CACNA1C: variants seen among roughly 807,000 people sequenced by gnomAD.
CACNA1C encodes the protein voltage-dependent L-type calcium channel subunit alpha-1C.
Under a neutral mutation model 229.0 loss-of-function variants are expected in CACNA1C, and 30 were observed. The ratio of observed to expected loss-of-function variants is 0.13; its 90% CI spans 0.10 to 0.18. The LOEUF (loss-of-function observed/expected upper bound fraction) is 0.18. Ranked by LOEUF, CACNA1C falls within the 10% of genes least tolerant of loss-of-function variation. The probability of loss-of-function intolerance (pLI) is 1.00; values close to 1 mark genes in which losing one functional copy is unlikely to be tolerated. For missense variants in CACNA1C, 1,658 were observed against 2,845.0 expected, an observed-to-expected ratio of 0.58 and a Z score of 9.49; for synonymous variants, 1,114 against 1,132.5, an observed-to-expected ratio of 0.98 and a Z score of 0.33.
At chr12:2,247,647 C>T (rs561701402) in intron 3 of CACNA1C, among the ~76,000 whole-genome samples, 8 of 152,288 alleles carry the variant, frequency 5.3e-5, no homozygotes, top group South Asian at 4.1e-4. Context: ...TCCCTATGGA[C>T]GATGGCAAGA....
intron 3 of CACNA1C, among the ~76,000 whole-genome samples, chr12:2,368,726 A>G (rs767321159): frequency 2.0e-5 from 3 of 152,372 alleles, no homozygotes; most frequent in Middle Eastern, 6.8e-3. Context: ...AACCCTAATC[A>G]ACAGCCCAGG....
At chr12:2,563,571 C>T (rs1449793088) in intron 11 of CACNA1C, among the ~76,000 whole-genome samples, 1 of 152,212 alleles carries the variant, frequency 6.6e-6, no homozygotes, top group Non-Finnish European at 1.5e-5. Context: ...TCCCTGCAGT[C>T]CTGAAGAAAG....
chr12:2,001,772 C>T (rs2042240480), intron 1 of CACNA1C, among the ~76,000 whole-genome samples: 1 of 152,208 alleles, frequency 6.6e-6, no homozygotes, highest in African/African-American at 2.4e-5. Context: ...TAGCTAGGAA[C>T]ACAACGTTAG....
intron 9 of CACNA1C, among the ~76,000 whole-genome samples, chr12:2,513,930 C>G (rs2154579821): frequency 6.6e-6 from 1 of 152,326 alleles, no homozygotes; most frequent in South Asian, 2.1e-4. Flanking sequence ...TCTCATTTGG[C>G]CTTGATCTCT....
At chr12:2,552,487 A>C (rs1351162116) in intron 10 of CACNA1C, among the ~76,000 whole-genome samples, 1 of 152,242 alleles carries the variant, frequency 6.6e-6, no homozygotes, top group Non-Finnish European at 1.5e-5. Flanking sequence ...GCAGACCCTT[A>C]ACCGTTTGGG....
intron 3 of CACNA1C, among the ~76,000 whole-genome samples, chr12:2,380,302 G>C (rs1297445616): frequency 1.3e-5 from 2 of 152,160 alleles, no homozygotes; most frequent in Non-Finnish European, 2.9e-5. Flanking sequence ...GCTATTTTTG[G>C]ACTTGGCTTT....
chr12:2,610,458 C>T, intron 27 of CACNA1C, 83 bp from the exon 28 acceptor site: 1 of 1,398,368 alleles, frequency 7.2e-7, no homozygotes, highest in Non-Finnish European at 1.0e-6. Context: ...GTGGTCTCAT[C>T]ACATCCCACA....
Position 2,595,268 on chromosome 12 carries a change from G to A in CACNA1C, c.2664-606G>A, listed in dbSNP as rs113964858. On this transcript the variant is annotated intron_variant, in intron 19 of 46. Coordinates refer to ENST00000399655, the MANE Select transcript of CACNA1C (RefSeq NM_000719.7). The surrounding 1 kb of genome is among the most constrained non-coding windows in gnomAD (Gnocchi z 4.1). ...GTTTCAGTGTTCTTACCTGTGAAATGAAGATGATGACACCCATCCCTTCCT... is the reference window on the plus strand; with the variant it reads ...GTTTCAGTGTTCTTACCTGTGAAATAAAGATGATGACACCCATCCCTTCCT... 0.029 allele frequency among the ~76,000 whole-genome samples: 4,356 copies of A among 152,250 alleles called. 89 individuals are homozygous for A. Among genetic ancestry groups the A allele is most frequent in the Middle Eastern group, 0.044 (13 of 294 alleles).
chr12:2,141,831 C>A (rs948439367), intron 3 of CACNA1C, among the ~76,000 whole-genome samples: 1 of 151,276 alleles, frequency 6.6e-6, no homozygotes, highest in African/African-American at 2.4e-5. Flanking sequence ...AGGCAGACTG[C>A]ATTTTCAAGC....
chr12:2,097,841 C>A (rs2074883397), intron 1 of CACNA1C, among the ~76,000 whole-genome samples: 1 of 152,190 alleles, frequency 6.6e-6, no homozygotes, highest in Non-Finnish European at 1.5e-5. Flanking sequence ...TCAGCCCCTG[C>A]TTTGAGATCA....
intron 29 of CACNA1C, among the ~76,000 whole-genome samples, chr12:2,619,937 A>G (rs2082437152): frequency 6.6e-6 from 1 of 151,786 alleles, no homozygotes; most frequent in Non-Finnish European, 1.5e-5. Flanking sequence ...TCACCCTCTC[A>G]TTTGTCACTA....
chr12:1,972,016 G>T lies in CACNA1C; in HGVS notation c.139+815G>T, dbSNP rs537154171. On this transcript the variant is annotated intron_variant, in intron 1 of 46. Transcript: ENST00000682462. ...AATTACATGGGTAAAATTTAAATAGGCAGGACATCTGATTTGGTAATGTTC... is the reference window on the plus strand; with the variant it reads ...AATTACATGGGTAAAATTTAAATAGTCAGGACATCTGATTTGGTAATGTTC... Among the ~76,000 whole-genome samples the T allele has an allele frequency of 3.9e-5, 6 of 152,298 alleles. No individual in the cohort carries two copies. The South Asian group carries it at 1.2e-3, about 32-fold the overall frequency.
chr12:1,988,523 C>T (rs1328203948), intron 1 of CACNA1C, among the ~76,000 whole-genome samples: 1 of 152,186 alleles, frequency 6.6e-6, no homozygotes, highest in Non-Finnish European at 1.5e-5. Flanking sequence ...GAGGAGGCAA[C>T]GCTCATGTTT....
At chr12:2,226,125 GCACACACACACACACACACACA>G (rs59055471) in intron 3 of CACNA1C, among the ~76,000 whole-genome samples, 18 of 142,770 alleles carry the variant, frequency 1.3e-4, no homozygotes, top group Admixed American at 4.2e-4. Flanking sequence ...ATGGGGACGC[GCACACACACACACACACACACA>G]CACACACACA....
chr12:2,665,092 A>G lies in CACNA1C; in HGVS notation c.4398+102A>G. Reference sequence around the variant, plus strand: ...AGCTCATGGTCAGGGCAACCCTATCAGAGGAGCTGGCTTGGGAAGACTAAG... The same window carrying G: ...AGCTCATGGTCAGGGCAACCCTATCGGAGGAGCTGGCTTGGGAAGACTAAG... On this transcript the variant is annotated intron_variant, in intron 35 of 46. Transcript: ENST00000399655. The surrounding 1 kb of genome is among the most constrained non-coding windows in gnomAD (Gnocchi z 5.9). The G allele has an allele frequency of 7.9e-7, 1 of 1,270,138 alleles. No homozygotes were observed. The highest frequency in any genetic ancestry group is 1.1e-6 in the Non-Finnish European group (1 of 893,334). 78.7% of individuals were successfully genotyped at this position (1,270,138 alleles called of 1,614,324 possible).
In CACNA1C at chr12:2,472,246, A is replaced by T. The variant is rs1179252107; in HGVS notation, c.758-13858A>T. Among the ~76,000 whole-genome samples, 4 of 152,160 alleles carry T rather than the reference A, an allele frequency of 2.6e-5. No homozygotes were observed. In the South Asian group the frequency reaches 6.2e-4, roughly 24 times the overall value. On this transcript the variant is annotated intron_variant, in intron 5 of 46. Transcript: ENST00000399655. ...TCTCTTGCTGGGACTCCTGTTATAC[A>T]TGGTGTTTGGCCATGTTATAGTATC...
chr12:2,279,342 A>AAATCAGATAGTGCTAGTTACC (rs1392546293), intron 3 of CACNA1C, among the ~76,000 whole-genome samples: 1 of 152,226 alleles, frequency 6.6e-6, no homozygotes, highest in African/African-American at 2.4e-5. Context: ...ATAAGGCTTA[A>AAATCAGATAGTGCTAGTTACC]AATCAGATAG....
At chr12:2,072,764 A>G (rs1409944806) in intron 1 of CACNA1C, among the ~76,000 whole-genome samples, 1 of 152,194 alleles carries the variant, frequency 6.6e-6, no homozygotes, top group Non-Finnish European at 1.5e-5. Context: ...TGTCAGGTAT[A>G]TTAGGCTAAC....
chr12:2,144,644 T>C (rs2094550448), intron 3 of CACNA1C, among the ~76,000 whole-genome samples: 1 of 151,420 alleles, frequency 6.6e-6, no homozygotes, highest in Non-Finnish European at 1.5e-5. Context: ...GTTAATATTT[T>C]ACGCGTGCTA....
Sources: gnomAD v4.1 joint callset for allele counts (sites outside exome capture counted in the v4.1 genomes callset) on GRCh38, gnomAD v4.1.1 for gene constraint, Gnocchi (gnomAD v3.1) non-coding constraint, MANE v1.5 for transcripts, NCBI Gene and HGNC (gene_info 2026-07-23, HGNC 2026-07-21) for gene names.